Variants in IMMP1L observed in about 807,000 individuals in gnomAD.
IMMP1L encodes the protein mitochondrial inner membrane protease subunit 1.
Under a neutral mutation model 21.8 loss-of-function variants are expected in IMMP1L, and 24 were observed. The ratio of observed to expected loss-of-function variants is 1.10; its 90% CI spans 0.80 to 1.55. The LOEUF (loss-of-function observed/expected upper bound fraction) is 1.55. Among genes scored for constraint, IMMP1L ranks in the 40% most tolerant of loss-of-function variants. The pLI is 0.00. For missense variants in IMMP1L, 195 were observed against 200.7 expected (o/e 0.97, Z 0.17); for synonymous variants, 46 against 62.8 (o/e 0.73, Z 1.26).
chr11:31,496,591 G>T (rs962905717), intron 1 of IMMP1L, among the ~76,000 whole-genome samples: 8 of 151,664 alleles, frequency 5.3e-5, no homozygotes. Context: ...ATCAACAGAT[G>T]AATGGATAAA....
intron 1 of IMMP1L, among the ~76,000 whole-genome samples, chr11:31,489,247 G>T (rs1955179613): frequency 6.6e-6 from 1 of 152,110 alleles, no homozygotes; most frequent in Non-Finnish European, 1.5e-5. Context: ...GTGTGAGTTT[G>T]CGTGTGACTT....
At chr11:31,460,773 T>C in intron 2 of IMMP1L, 59 bp from the exon 3 acceptor site, 7 of 1,142,494 alleles carry the variant, frequency 6.1e-6, no homozygotes, top group Non-Finnish European at 9.1e-6. Flanking sequence ...TTAACATAAA[T>C]CTTTTAAGCA....
intron 1 of IMMP1L, among the ~76,000 whole-genome samples, chr11:31,499,303 T>C (rs1458225766): frequency 6.6e-6 from 1 of 152,104 alleles, no homozygotes; most frequent in Non-Finnish European, 1.5e-5. Context: ...ACGCGGAGCT[T>C]GCAGTGAGCT....
chr11:31,443,539 A>G (rs1488305072), intron 4 of IMMP1L, among the ~76,000 whole-genome samples: 1 of 152,196 alleles, frequency 6.6e-6, no homozygotes, highest in Non-Finnish European at 1.5e-5. Context: ...ACTTGCCCAC[A>G]TTCTGTCTAC....
At position 31,475,936 on chromosome 11, in the gene IMMP1L, A is replaced by G. The variant is rs961157854; in HGVS notation, c.-29-12631T>C. Among the ~76,000 whole-genome samples the G allele has an allele frequency of 5.9e-5, 9 of 152,308 alleles. No individual in the cohort carries two copies. The East Asian group carries it at 1.7e-3, about 29-fold the overall frequency. On this transcript the variant is annotated intron_variant, in intron 1 of 5. Coordinates refer to ENST00000532287, the MANE Select transcript of IMMP1L (RefSeq NM_001304274.2). ...AGTAAATACCTGAATAAAAAGTAAA[A>G]AAGTAAATACTGACCAGGTTTAGTA...
intron 1 of IMMP1L, among the ~76,000 whole-genome samples, chr11:31,481,265 T>C (rs1323037198): frequency 6.6e-6 from 1 of 152,128 alleles, no homozygotes; most frequent in Non-Finnish European, 1.5e-5. Flanking sequence ...AATGTGTTGC[T>C]CCACTCATAA....
chr11:31,465,529 C>T (rs1025686215), intron 1 of IMMP1L, among the ~76,000 whole-genome samples: 1 of 152,008 alleles, frequency 6.6e-6, no homozygotes, highest in Non-Finnish European at 1.5e-5. Flanking sequence ...GATGGTATTA[C>T]ACTACCTGAC....
At chr11:31,470,822 C>T (rs1013499809) in intron 1 of IMMP1L, among the ~76,000 whole-genome samples, 8 of 152,124 alleles carry the variant, frequency 5.3e-5, no homozygotes, top group African/African-American at 1.9e-4. Context: ...TCAAACAAGG[C>T]AACATGTATG....
intron 4 of IMMP1L, among the ~76,000 whole-genome samples, chr11:31,446,600 A>G (rs943072362): frequency 2.6e-5 from 4 of 151,970 alleles, no homozygotes; most frequent in Non-Finnish European, 5.9e-5. Flanking sequence ...CATCCCTCCT[A>G]CTACATGTGC....
Position 31,498,153 on chromosome 11 carries a change from G to T in IMMP1L, c.-30+11366C>A, listed in dbSNP as rs375338848. Among the ~76,000 whole-genome samples the T allele has an allele frequency of 7.2e-5, 11 of 152,060 alleles. No homozygotes were observed. The East Asian group carries it at 2.1e-3, about 29-fold the overall frequency. The stretch of plus-strand genomic sequence containing the variant: ...AAAATCCAACCTTAGAATACCAAAT[G>T]GACTATAAAATTATTTTCAAATCTT... On this transcript the variant is annotated intron_variant, in intron 1 of 5. Coordinates refer to ENST00000532287, the MANE Select transcript of IMMP1L (RefSeq NM_001304274.2).
At chr11:31,462,285 C>A in intron 2 of IMMP1L, among the ~76,000 whole-genome samples, 1 of 147,864 alleles carries the variant, frequency 6.8e-6, no homozygotes, top group Non-Finnish European at 1.5e-5. Context: ...GATTGCACTC[C>A]AGCCCAGGCA....
chr11:31,461,512 A>G (rs964581100), intron 2 of IMMP1L, among the ~76,000 whole-genome samples: 9 of 152,208 alleles, frequency 5.9e-5, no homozygotes, highest in African/African-American at 1.9e-4. Flanking sequence ...GAAGTCTTAA[A>G]TGCTCTAAAA....
In IMMP1L at chr11:31,456,304, T is replaced by G; in HGVS notation, c.277A>C (p.Ile93Leu). ...KRVIGLEGDK[I>L]LTTSPSDFFK... ...AAATCTGATGGACTAGTGGTGAGGATTTTGTCTCCTTCCAAACCAATTACT... is the reference window on the plus strand; with the variant it reads ...AAATCTGATGGACTAGTGGTGAGGAGTTTGTCTCCTTCCAAACCAATTACT... Residue 93 changes from isoleucine (I) to leucine (L), a missense_variant, in exon 4 of 6, where the codon ATC (isoleucine) becomes CTC (leucine). Transcript: ENST00000532287. The G allele has an allele frequency of 6.2e-7, 1 of 1,608,412 alleles. No homozygotes were observed. The highest frequency in any genetic ancestry group is 1.1e-5 in the South Asian group (1 of 90,744).
chr11:31,478,649 T>C lies in IMMP1L; in HGVS notation c.-29-15344A>G, dbSNP rs116443597. The stretch of plus-strand genomic sequence containing the variant: ...ATTGGCTAATAACTAAAAATGATAT[T>C]ACATAAAATTAGGTCATAGCCCTCG... On this transcript the variant is annotated intron_variant, in intron 1 of 5. Coordinates refer to ENST00000532287, the MANE Select transcript of IMMP1L (RefSeq NM_001304274.2). Among the ~76,000 whole-genome samples, 172 of 152,240 alleles carry C rather than the reference T, an allele frequency of 1.1e-3. 1 individual carries two copies. Among genetic ancestry groups the C allele is most frequent in the African/African-American group, 3.8e-3 (159 of 41,558 alleles).
chr11:31,452,945 T>A, intron 4 of IMMP1L: 2 of 708,572 alleles, frequency 2.8e-6, no homozygotes, highest in Non-Finnish European at 4.0e-6. Flanking sequence ...AGAGACAGGG[T>A]TTCACCATGC....
rs139339371 is a variant in IMMP1L at position 31,483,625 on chromosome 11, G to A, written c.-29-20320C>T. Among the ~76,000 whole-genome samples the A allele has an allele frequency of 7.2e-5, 11 of 151,948 alleles. No individual in the cohort carries two copies. The East Asian group carries it at 9.6e-4, about 13-fold the overall frequency. On this transcript the variant is annotated intron_variant, in intron 1 of 5. Coordinates refer to ENST00000532287, the MANE Select transcript of IMMP1L (RefSeq NM_001304274.2). Reference sequence around the variant, plus strand: ...TAACACAGCTTTTAAAATAGTCTCCGGACTGAAGATTTGCCTTTATATGTG... The same window carrying A: ...TAACACAGCTTTTAAAATAGTCTCCAGACTGAAGATTTGCCTTTATATGTG...
At chr11:31,482,441 T>C (rs1954927579) in intron 1 of IMMP1L, among the ~76,000 whole-genome samples, 1 of 151,956 alleles carries the variant, frequency 6.6e-6, no homozygotes. Context: ...GAAGAAATAG[T>C]TGCAATACCC....
At chr11:31,451,975 C>G (rs1468366586) in intron 4 of IMMP1L, among the ~76,000 whole-genome samples, 1 of 152,146 alleles carries the variant, frequency 6.6e-6, no homozygotes. Flanking sequence ...TTGAGAACAA[C>G]TATTTCAAAT....
chr11:31,458,963 T>G (rs1954045236), intron 3 of IMMP1L, among the ~76,000 whole-genome samples: 1 of 152,138 alleles, frequency 6.6e-6, no homozygotes. Context: ...GTGAATAAAA[T>G]TATGTCACTG....
Sources: gnomAD v4.1 joint callset for allele counts (sites outside exome capture counted in the v4.1 genomes callset) on GRCh38, gnomAD v4.1.1 for gene constraint, MANE v1.5 for transcripts, NCBI Gene and HGNC (gene_info 2026-07-23, HGNC 2026-07-21) for gene names.